CACNA2D3: variants seen among roughly 807,000 people sequenced by gnomAD.
CACNA2D3 encodes voltage-dependent calcium channel subunit alpha-2/delta-3.
A neutral mutation model predicts 160.6 loss-of-function variants in CACNA2D3; 60 were observed. The observed-to-expected ratio is 0.37, with a 90% CI of 0.30 to 0.46. The LOEUF (loss-of-function observed/expected upper bound fraction) is 0.46. Ranked by LOEUF, CACNA2D3 falls within the 20% of genes least tolerant of loss-of-function variation. CACNA2D3 has a pLI of 1.00. For missense variants in CACNA2D3, 1,205 were observed against 1,365.0 expected (o/e 0.88, Z 1.85); for synonymous variants, 558 against 492.9 (o/e 1.13, Z -1.75).
intron 2 of CACNA2D3, among the ~76,000 whole-genome samples, chr3:54,308,999 C>T (rs1703671152): frequency 6.6e-6 from 1 of 152,212 alleles, no homozygotes; most frequent in Non-Finnish European, 1.5e-5. Flanking sequence ...TGCATAAAGA[C>T]ACTTGTAAAT....
chr3:54,438,056 A>T (rs558608658), intron 4 of CACNA2D3, among the ~76,000 whole-genome samples: 178 of 152,162 alleles, frequency 1.2e-3, no homozygotes, highest in African/African-American at 4.1e-3. Flanking sequence ...CTAGAGTTAT[A>T]AAAAAAACTA....
intron 10 of CACNA2D3, among the ~76,000 whole-genome samples, chr3:54,640,582 A>G (rs1457649850): frequency 2.0e-5 from 3 of 152,204 alleles, no homozygotes; most frequent in East Asian, 1.9e-4. Flanking sequence ...TGAAAGTTGA[A>G]GAAGTCTAGG....
intron 5 of CACNA2D3, among the ~76,000 whole-genome samples, chr3:54,560,937 A>G (rs1026429621): frequency 6.6e-6 from 1 of 152,092 alleles, no homozygotes; most frequent in Non-Finnish European, 1.5e-5. Context: ...TGGTCTATGT[A>G]TCTGTTCTCA....
intron 11 of CACNA2D3, among the ~76,000 whole-genome samples, chr3:54,667,751 C>G (rs1470431211): frequency 6.6e-6 from 1 of 152,076 alleles, no homozygotes; most frequent in African/African-American, 2.4e-5. Context: ...TCAAGATCAA[C>G]CTGTGTAACA....
intron 35 of CACNA2D3, among the ~76,000 whole-genome samples, chr3:55,048,518 G>A (rs1575451125): frequency 2.8e-5 from 3 of 107,246 alleles, no homozygotes; most frequent in Admixed American, 8.9e-5. Context: ...ATTTGATTGA[G>A]GATTTTTGCA....
intron 12 of CACNA2D3, among the ~76,000 whole-genome samples, chr3:54,754,678 C>G (rs1042414773): frequency 2.0e-5 from 3 of 152,196 alleles, no homozygotes; most frequent in African/African-American, 7.2e-5. Flanking sequence ...AAGGTAGGTC[C>G]TGTTGCATAG....
intron 2 of CACNA2D3, among the ~76,000 whole-genome samples, chr3:54,163,699 A>G (rs909499735): frequency 5.3e-5 from 8 of 152,256 alleles, no homozygotes; most frequent in Middle Eastern, 3.4e-3. Context: ...TCTAGTTTGC[A>G]TTTGCGGAAG....
At chr3:54,449,975 G>T (rs1396167197) in intron 4 of CACNA2D3, among the ~76,000 whole-genome samples, 1 of 152,094 alleles carries the variant, frequency 6.6e-6, no homozygotes, top group African/African-American at 2.4e-5. Flanking sequence ...TTATATAAAT[G>T]TAATAATTGG....
At chr3:54,737,238 CAA>C in intron 11 of CACNA2D3, among the ~76,000 whole-genome samples, 1 of 147,594 alleles carries the variant, frequency 6.8e-6, no homozygotes, top group African/African-American at 2.5e-5. Flanking sequence ...CAGAATATAA[CAA>C]GAGGACAGAC....
At chr3:55,026,654 G>T (rs1703569263) in intron 35 of CACNA2D3, among the ~76,000 whole-genome samples, 1 of 152,188 alleles carries the variant, frequency 6.6e-6, no homozygotes, top group African/African-American at 2.4e-5. Context: ...AGAAATTGTG[G>T]TTTGGTCAAC....
intron 2 of CACNA2D3, among the ~76,000 whole-genome samples, chr3:54,153,139 G>A (rs1205039542): frequency 3.9e-5 from 6 of 152,232 alleles, no homozygotes; most frequent in African/African-American, 1.4e-4. Context: ...TCATAGAGAA[G>A]TTGGTAGCTC....
At chr3:55,060,800 G>C (rs908400960) in intron 35 of CACNA2D3, among the ~76,000 whole-genome samples, 1 of 152,090 alleles carries the variant, frequency 6.6e-6, no homozygotes, top group Non-Finnish European at 1.5e-5. Flanking sequence ...AAACTAAAAT[G>C]ATAGCCAAGT....
intron 27 of CACNA2D3, among the ~76,000 whole-genome samples, chr3:54,922,322 T>TG (rs1178629845): frequency 7.7e-6 from 1 of 129,816 alleles, no homozygotes; most frequent in African/African-American, 3.5e-5. Flanking sequence ...CCTGGGAACT[T>TG]TTTTTTTTTT....
intron 4 of CACNA2D3, among the ~76,000 whole-genome samples, chr3:54,390,844 T>A (rs1341348554): frequency 6.6e-6 from 1 of 152,206 alleles, no homozygotes; most frequent in Non-Finnish European, 1.5e-5. Context: ...GATCAATTGT[T>A]AATCTGGGTT....
intron 11 of CACNA2D3, among the ~76,000 whole-genome samples, chr3:54,651,345 C>T (rs1699759692): frequency 6.6e-6 from 1 of 150,982 alleles, no homozygotes; most frequent in Admixed American, 6.6e-5. Flanking sequence ...TGATTTTCCT[C>T]TTCTAAAAGG....
chr3:54,430,487 AATTTATACC>A (rs1209201851), intron 4 of CACNA2D3, among the ~76,000 whole-genome samples: 24 of 152,120 alleles, frequency 1.6e-4, no homozygotes, highest in Non-Finnish European at 2.9e-4. Flanking sequence ...TGACAGTTGG[AATTTATACC>A]ATCAAGTAAC....
At chr3:54,481,067 T>C (rs1216139636) in intron 4 of CACNA2D3, among the ~76,000 whole-genome samples, 3 of 152,170 alleles carry the variant, frequency 2.0e-5, no homozygotes, top group Admixed American at 6.5e-5. Context: ...AGATGCCTGC[T>C]TCCTGAGGGC....
At chr3:54,995,670 A>G (rs916413574) in intron 31 of CACNA2D3, among the ~76,000 whole-genome samples, 2 of 152,208 alleles carry the variant, frequency 1.3e-5, no homozygotes, top group African/African-American at 4.8e-5. Context: ...GCAGCCTCCC[A>G]TACAATACTT....
chr3:54,793,674 T>C (rs1702808100), intron 13 of CACNA2D3, among the ~76,000 whole-genome samples: 1 of 152,198 alleles, frequency 6.6e-6, no homozygotes, highest in Non-Finnish European at 1.5e-5. Flanking sequence ...TAGGTCAGTG[T>C]AGTGCAGTGG....
Sources: allele counts gnomAD v4.1 joint callset (sites outside exome capture counted in the v4.1 genomes callset), GRCh38; gene constraint gnomAD v4.1.1; transcripts MANE v1.5; gene names NCBI Gene and HGNC (gene_info 2026-07-23, HGNC 2026-07-21).